Variants in PSPH observed in about 807,000 individuals in gnomAD.
PSPH encodes L-3-phosphoserine phosphatase.
In PSPH, 16 loss-of-function variants were observed where a neutral mutation model predicts 23.4. The observed-to-expected ratio is 0.68, with a 90% CI of 0.46 to 1.04. PSPH has a LOEUF of 1.04. Ranked by LOEUF, PSPH falls within the 50% of genes least tolerant of loss-of-function variation. The probability of loss-of-function intolerance (pLI) is 0.00; values close to 1 mark genes in which losing one functional copy is unlikely to be tolerated. For synonymous variants in PSPH, 68 were observed against 99.7 expected (o/e 0.68, Z 1.89); for missense variants, 223 against 273.7 (o/e 0.81, Z 1.31).
At chr7:56,037,657 A>G (rs1791899422) in intron 1 of PSPH, among the ~76,000 whole-genome samples, 1 of 148,616 alleles carries the variant, frequency 6.7e-6, no homozygotes, top group Non-Finnish European at 1.5e-5. Context: ...GATCCACTTT[A>G]CCCAGCTCTG....
At chr7:56,048,566 G>A (rs1222482126) in intron 1 of PSPH, among the ~76,000 whole-genome samples, 5 of 152,100 alleles carry the variant, frequency 3.3e-5, no homozygotes, top group Admixed American at 2.6e-4. Flanking sequence ...CTTATTCCTG[G>A]GTTAAATGTG....
At chr7:56,042,358 A>C (rs1314789171) in intron 1 of PSPH, among the ~76,000 whole-genome samples, 6 of 152,130 alleles carry the variant, frequency 3.9e-5, no homozygotes, top group African/African-American at 1.2e-4. Flanking sequence ...TCCAGGAAAG[A>C]AGCAGAAGGG....
chr7:56,015,285 C>T (rs948171397), intron 6 of PSPH, 114 bp from the exon 7 acceptor site: 7 of 1,268,960 alleles, frequency 5.5e-6, no homozygotes, highest in African/African-American at 1.5e-5. Flanking sequence ...TAAAAATGGC[C>T]GTCGGTAAAG....
intron 1 of PSPH, among the ~76,000 whole-genome samples, chr7:56,046,173 G>A (rs1793220017): frequency 1.3e-5 from 2 of 151,948 alleles, no homozygotes; most frequent in African/African-American, 2.4e-5. Flanking sequence ...AGTTTCACTC[G>A]TCGCCCAGGC....
chr7:56,032,280 T>C (rs1286114914), intron 2 of PSPH, among the ~76,000 whole-genome samples: 1 of 152,042 alleles, frequency 6.6e-6, no homozygotes, highest in Admixed American at 6.6e-5. Flanking sequence ...TCAAGTCTGA[T>C]AGGAAATCAT....
intron 5 of PSPH, among the ~76,000 whole-genome samples, chr7:56,018,376 T>C (rs1490435291): frequency 6.7e-6 from 1 of 150,068 alleles, no homozygotes; most frequent in Non-Finnish European, 1.5e-5. Context: ...AAACAATGGG[T>C]AGGGTTTGTC....
intron 1 of PSPH, among the ~76,000 whole-genome samples, chr7:56,034,352 G>C (rs911254606): frequency 6.6e-6 from 1 of 152,134 alleles, no homozygotes; most frequent in Non-Finnish European, 1.5e-5. Context: ...GCTGCTCCGC[G>C]CTGCCGCCAC....
At chr7:56,016,212 A>C (rs965771299) in intron 6 of PSPH, among the ~76,000 whole-genome samples, 2 of 151,444 alleles carry the variant, frequency 1.3e-5, no homozygotes, top group African/African-American at 2.4e-5. Context: ...CAGCGTGACC[A>C]ACATGATGAA....
chr7:56,026,321 C>T (rs1323968590), intron 3 of PSPH, among the ~76,000 whole-genome samples: 31 of 147,424 alleles, frequency 2.1e-4, no homozygotes. Context: ...ACTAAAAATA[C>T]AAAAATTAGC....
intron 1 of PSPH, among the ~76,000 whole-genome samples, chr7:56,050,276 A>ATTC (rs1411244512): frequency 6.6e-6 from 1 of 151,946 alleles, no homozygotes; most frequent in Admixed American, 6.6e-5. Context: ...TAGTTGTGTC[A>ATTC]TTCTTTTTGA....
In PSPH at chr7:56,051,394, GC is replaced by G. The variant is rs1794021858; in HGVS notation, c.-549del. On this transcript the variant is annotated 5_prime_UTR_variant, in exon 1 of 8. Transcript: ENST00000275605. ...AGGGTGCTTATCAGACTCGCGTGTG[GC>G]CCCACGGCACCTAGGGCACCGTCGA... 1 of 192,610 alleles carries G rather than the reference GC, an allele frequency of 5.2e-6. No homozygotes were observed. The highest frequency in any genetic ancestry group is 7.7e-5 in the South Asian group (1 of 12,910). 11.9% of individuals were successfully genotyped at this position (192,610 alleles called of 1,614,324 possible).
At chr7:56,049,753 A>ATT (rs71015171) in intron 1 of PSPH, among the ~76,000 whole-genome samples, 1 of 146,362 alleles carries the variant, frequency 6.8e-6, no homozygotes, top group South Asian at 2.2e-4. Flanking sequence ...TATTATTATT[A>ATT]TTTTTTTTGA....
At chr7:56,014,147 A>G (rs1788293568) in intron 7 of PSPH, among the ~76,000 whole-genome samples, 1 of 152,166 alleles carries the variant, frequency 6.6e-6, no homozygotes, top group Admixed American at 6.6e-5. Context: ...AAAACAAAAC[A>G]TAATATTTGA....
intron 3 of PSPH, among the ~76,000 whole-genome samples, chr7:56,022,926 G>A (rs1391916151): frequency 6.6e-6 from 1 of 152,148 alleles, no homozygotes; most frequent in Non-Finnish European, 1.5e-5. Context: ...GGGCAGGATG[G>A]CGTGCACCTG....
At chr7:56,025,511 A>C (rs1271875259) in intron 3 of PSPH, among the ~76,000 whole-genome samples, 1 of 152,076 alleles carries the variant, frequency 6.6e-6, no homozygotes, top group Non-Finnish European at 1.5e-5. Flanking sequence ...CATGCGACTC[A>C]GCCTCCCAAA....
chr7:56,042,154 C>T (rs180680048), intron 1 of PSPH, among the ~76,000 whole-genome samples: 8 of 137,202 alleles, frequency 5.8e-5, no homozygotes, highest in African/African-American at 1.9e-4. Context: ...ATCCGGGAGG[C>T]GGAGGTTTAC....
At position 56,017,299 on chromosome 7, in the gene PSPH, A is replaced by G. The variant is rs2116567604; in HGVS notation, c.356T>C (p.Val119Ala). Residue 119 changes from valine to alanine, a missense_variant, in exon 6 of 8, where the codon GTT becomes GCT. Physicochemically the swap from Val to Ala is moderately conservative, Grantham distance 64 (BLOSUM62 0). Transcript: ENST00000275605. The stretch of plus-strand genomic sequence containing the variant: ...TGCTGGGATATTGAGCTTTGAAGCA[A>G]CATGCTCTACAATACTCCTAAAGCC... ...SGGFRSIVEH[V>A]ASKLNIPATN... The G allele has an allele frequency of 6.2e-7, 1 of 1,613,878 alleles. No homozygotes were observed. The highest frequency in any genetic ancestry group is 1.3e-5 in the African/African-American group (1 of 75,038).
intron 3 of PSPH, among the ~76,000 whole-genome samples, chr7:56,023,265 T>A (rs537204969): frequency 3.0e-5 from 4 of 133,612 alleles, no homozygotes; most frequent in Admixed American, 2.9e-4. Context: ...TCAAAACAAA[T>A]TTTTTTTTTT....
chr7:56,023,202 C>T (rs892762143), intron 3 of PSPH, among the ~76,000 whole-genome samples: 7 of 151,912 alleles, frequency 4.6e-5, no homozygotes, highest in South Asian at 2.1e-4. Context: ...GGTGAAGGTA[C>T]AGGAAGAAAC....
Sources: allele counts gnomAD v4.1 joint callset (sites outside exome capture counted in the v4.1 genomes callset), GRCh38; gene constraint gnomAD v4.1.1; transcripts MANE v1.5; gene names NCBI Gene and HGNC (gene_info 2026-07-23, HGNC 2026-07-21).